The following INO80 variants were observed in gnomAD, a reference collection of about 807,000 sequenced individuals.
INO80 encodes chromatin-remodeling ATPase INO80.
INO80 carries 20 observed loss-of-function variants against 203.4 expected under a neutral mutation model. That is an observed-to-expected ratio of 0.10 (90% CI 0.07 to 0.14). The LOEUF is 0.14. Ranked by LOEUF, INO80 falls within the 10% of genes least tolerant of loss-of-function variation. The pLI is 1.00. For synonymous variants in INO80, 726 were observed against 685.2 expected (o/e 1.06, Z -0.93); for missense variants, 1,419 against 1,914.4 (o/e 0.74, Z 4.83).
chr15:41,058,116 C>A (rs2045027445), intron 16 of INO80, among the ~76,000 whole-genome samples: 1 of 152,146 alleles, frequency 6.6e-6, no homozygotes, highest in Non-Finnish European at 1.5e-5. Context: ...ACCTAACATT[C>A]TACCTCCTAC....
chr15:40,998,171 G>A (rs750135907), intron 28 of INO80, among the ~76,000 whole-genome samples: 2 of 151,714 alleles, frequency 1.3e-5, no homozygotes, highest in Non-Finnish European at 2.9e-5. Flanking sequence ...ATAGGCGCTC[G>A]CCACCACACC....
At chr15:41,094,328 C>T (rs547979617) in intron 4 of INO80, among the ~76,000 whole-genome samples, 1 of 152,300 alleles carries the variant, frequency 6.6e-6, no homozygotes, top group East Asian at 1.9e-4. Flanking sequence ...CTTCTTTTTC[C>T]ACCAAACATA....
chr15:41,013,973 G>C (rs2044167415), intron 27 of INO80, among the ~76,000 whole-genome samples: 2 of 152,172 alleles, frequency 1.3e-5, no homozygotes, highest in Admixed American at 1.3e-4. Flanking sequence ...AAAAATAACT[G>C]TTGGATTATA....
chr15:41,093,420 G>A (rs540153540), intron 4 of INO80, among the ~76,000 whole-genome samples: 21 of 151,882 alleles, frequency 1.4e-4, no homozygotes, highest in African/African-American at 4.6e-4. Flanking sequence ...GCAAGACTCC[G>A]TCTCAAAAAA....
chr15:41,032,872 T>C lies in INO80; in HGVS notation c.2908-5136A>G, dbSNP rs528030239. Reference sequence around the variant, plus strand: ...GGCCAACATAATGAAACCCCGTCTCTACTACAAACACAAAAATTAGCCAGG... The same window carrying C: ...GGCCAACATAATGAAACCCCGTCTCCACTACAAACACAAAAATTAGCCAGG... On this transcript the variant is annotated intron_variant, in intron 24 of 35. Coordinates refer to ENST00000648947, the MANE Select transcript of INO80 (RefSeq NM_017553.3). Among the ~76,000 whole-genome samples, 57 of 152,186 alleles carry C rather than the reference T, an allele frequency of 3.7e-4. 2 individuals are homozygous for C. The highest frequency in any genetic ancestry group is 1.3e-3 in the African/African-American group (54 of 41,532).
intron 1 of INO80, among the ~76,000 whole-genome samples, chr15:41,103,625 A>C (rs1485055165): frequency 6.6e-6 from 1 of 152,084 alleles, no homozygotes; most frequent in African/African-American, 2.4e-5. Context: ...TCCTGAACTC[A>C]AGTGATCCAC....
intron 1 of INO80, among the ~76,000 whole-genome samples, chr15:41,097,138 G>A (rs1281962394): frequency 6.6e-6 from 1 of 152,132 alleles, no homozygotes; most frequent in Non-Finnish European, 1.5e-5. Context: ...CACCCAGGCT[G>A]GAGTTCAAGC....
In INO80 at chr15:40,980,410, G is replaced by A. The variant is rs753376147; in HGVS notation, c.4484C>T (p.Ser1495Phe). The A allele has an allele frequency of 2.5e-6, 4 of 1,613,674 alleles. No individual in the cohort carries two copies. Among genetic ancestry groups the A allele is most frequent in the African/African-American group, 2.7e-5 (2 of 75,056 alleles). The part of the protein sequence containing the change: ...GISASSPLQT[S>F]LVRPAGLADF... ...AGCAAGGCCAGCAGGCCGAACAAGG[G>A]ATGTCTGCAGAGGACTGCTGGCGGA... Residue 1495 changes from serine to phenylalanine, a missense_variant, in exon 36 of 36, where the codon TCC becomes TTC. Ser to Phe is a radical substitution (Grantham distance 155). This residue lies in a region of INO80 where 112 missense variants were observed against 106.2 expected (regional missense o/e 1.05). Coordinates refer to ENST00000648947, the MANE Select transcript of INO80 (RefSeq NM_017553.3).
chr15:41,109,143 T>G (rs1170464264), intron 1 of INO80: 2 of 152,826 alleles, frequency 1.3e-5, no homozygotes, highest in African/African-American at 4.8e-5. Flanking sequence ...AGGGCAGATT[T>G]GATAGCTTAC....
At chr15:41,091,752 C>T (rs948172702) in intron 5 of INO80, among the ~76,000 whole-genome samples, 4 of 145,302 alleles carry the variant, frequency 2.8e-5, no homozygotes, top group African/African-American at 1.0e-4. Context: ...CCTCTGGGTT[C>T]GAGCAATTCT....
intron 27 of INO80, chr15:41,011,505 G>A (rs758389468): frequency 6.6e-6 from 1 of 151,976 alleles, no homozygotes; most frequent in Non-Finnish European, 1.5e-5. Flanking sequence ...CAGCATGGTT[G>A]TAAGCTGACA....
At chr15:41,055,510 G>A in intron 17 of INO80, 146 bp from the exon 18 acceptor site, 1 of 399,674 alleles carries the variant, frequency 2.5e-6, no homozygotes, top group African/African-American at 2.1e-5. Context: ...GAAAATGAAT[G>A]AATTCAACTA....
At chr15:41,069,774 G>A in intron 13 of INO80, 109 bp from the exon 14 acceptor site, 1 of 635,420 alleles carries the variant, frequency 1.6e-6, no homozygotes. Flanking sequence ...AATAACAAGA[G>A]AAACAGTGAG....
At chr15:41,008,090 T>C (rs1279424496) in intron 27 of INO80, among the ~76,000 whole-genome samples, 1 of 152,114 alleles carries the variant, frequency 6.6e-6, no homozygotes, top group African/African-American at 2.4e-5. Context: ...GGGAAGATCA[T>C]CTGAGCCCAG....
chr15:41,110,089 G>A (rs1441980300), intron 1 of INO80, among the ~76,000 whole-genome samples: 3 of 148,770 alleles, frequency 2.0e-5, no homozygotes, highest in South Asian at 4.3e-4. Flanking sequence ...GCGAAACTCC[G>A]TCTCAAAAAA....
intron 34 of INO80, 75 bp downstream of exon 34, chr15:40,983,687 T>C: frequency 7.6e-7 from 1 of 1,322,580 alleles, no homozygotes; most frequent in Non-Finnish European, 1.1e-6. Flanking sequence ...CTAGAAGGAA[T>C]CAGGACCTTA....
intron 28 of INO80, among the ~76,000 whole-genome samples, chr15:41,003,639 A>G (rs1229174205): frequency 6.6e-6 from 1 of 151,944 alleles, no homozygotes; most frequent in Non-Finnish European, 1.5e-5. Context: ...CTTTATTTTC[A>G]TCTTTAAATA....
In INO80 at chr15:41,096,320, C is replaced by G; in HGVS notation, c.-10G>C. 6.3e-7 allele frequency: 1 copy of G among 1,575,136 alleles called. No homozygotes were observed. The highest frequency in any genetic ancestry group is 8.6e-7 in the Non-Finnish European group (1 of 1,167,996). ...CCAACTCCGAGGCCATAGAACAAAT[C>G]TGTCTTCATGCACAAGGACCTCCGA... On this transcript the variant is annotated 5_prime_UTR_variant, in exon 2 of 36. Coordinates refer to ENST00000648947, the MANE Select transcript of INO80 (RefSeq NM_017553.3).
rs965870083 is a variant in INO80 at position 41,019,734 on chromosome 15, T to G, written c.3274+1166A>C. On this transcript the variant is annotated intron_variant, in intron 26 of 35. Transcript: ENST00000648947. The stretch of plus-strand genomic sequence containing the variant: ...CTACAAGGCCATGTGTAATACTGCC[T>G]TCAGATACGCAGAAAGACATCTTGG... 1.6e-4 allele frequency among the ~76,000 whole-genome samples: 25 copies of G among 152,290 alleles called. No homozygotes were observed. In the Middle Eastern group the frequency reaches 0.01, roughly 62 times the overall value.
Sources: gnomAD v4.1 joint callset for allele counts (sites outside exome capture counted in the v4.1 genomes callset) on GRCh38, gnomAD v4.1.1 for gene constraint, gnomAD v4.1.1 regional missense constraint, MANE v1.5 for transcripts, NCBI Gene and HGNC (gene_info 2026-07-23, HGNC 2026-07-21) for gene names.